Variants in RTN1 observed in about 807,000 individuals in gnomAD.
RTN1 encodes the protein reticulon-1.
A neutral mutation model predicts 65.5 loss-of-function variants in RTN1; 25 were observed. The ratio of observed to expected loss-of-function variants is 0.38; its 90% CI spans 0.28 to 0.53. The LOEUF is 0.53. Among genes scored for constraint, RTN1 ranks in the 20% least tolerant of loss-of-function variants. RTN1 has a pLI of 0.79. For synonymous variants in RTN1, 471 were observed against 447.6 expected (o/e 1.05, Z -0.66); for missense variants, 983 against 1,025.4 (o/e 0.96, Z 0.57).
intron 1 of RTN1, among the ~76,000 whole-genome samples, chr14:59,856,251 A>G (rs1176751718): frequency 1.3e-5 from 2 of 152,198 alleles, no homozygotes; most frequent in Non-Finnish European, 2.9e-5. Flanking sequence ...TAGAGACTCC[A>G]TCTTTCTAGA....
chr14:59,816,881 C>T lies in RTN1; in HGVS notation c.241+53509G>A, dbSNP rs879907704. On this transcript the variant is annotated intron_variant, in intron 1 of 8. Transcript: ENST00000267484. The surrounding 1 kb of genome is among the most constrained non-coding windows in gnomAD (Gnocchi z 4.3). ...CTGAGAGGCGGAGGTTGCAGTGAGT[C>T]GAGATCGCGCCACTGTACTCCAGCC... Among the ~76,000 whole-genome samples, 3 of 152,066 alleles carry T rather than the reference C, an allele frequency of 2.0e-5. No homozygotes were observed. The highest frequency in any genetic ancestry group is 6.5e-5 in the Admixed American group (1 of 15,274).
rs1045535255 is a variant in RTN1, at chr14:59,825,603, G to C, written c.241+44787C>G. On this transcript the variant is annotated intron_variant, in intron 1 of 8. Transcript: ENST00000267484. The surrounding 1 kb of genome is among the most constrained non-coding windows in gnomAD (Gnocchi z 4.2). ...CTGGCCACAGCAGGGCCTTCTCCCAGAAGCACCCCTGCTGGAAGGCCAGCC... is the reference window on the plus strand; with the variant it reads ...CTGGCCACAGCAGGGCCTTCTCCCACAAGCACCCCTGCTGGAAGGCCAGCC... 6.6e-6 allele frequency among the ~76,000 whole-genome samples: 1 copy of C among 152,212 alleles called. No homozygotes were observed. The highest frequency in any genetic ancestry group is 1.5e-5 in the Non-Finnish European group (1 of 68,042).
At chr14:59,733,999 C>T (rs906966934) in intron 2 of RTN1, among the ~76,000 whole-genome samples, 1 of 152,062 alleles carries the variant, frequency 6.6e-6, no homozygotes, top group Non-Finnish European at 1.5e-5. Flanking sequence ...AAAAGGTCAG[C>T]ACTCCCCTGG....
intron 1 of RTN1, among the ~76,000 whole-genome samples, chr14:59,806,349 T>C (rs777088773): frequency 6.6e-6 from 1 of 152,040 alleles, no homozygotes; most frequent in Non-Finnish European, 1.5e-5. Context: ...TCTTTCTCAA[T>C]TGTGATGTGC....
Position 59,612,144 on chromosome 14 carries a change from G to GT in RTN1, c.1766-4653dup, listed in dbSNP as rs78172461. Among the ~76,000 whole-genome samples, 6 of 152,222 alleles carry GT rather than the reference G, an allele frequency of 3.9e-5. No homozygotes were observed. In the East Asian group the frequency reaches 1.2e-3, roughly 29 times the overall value. ...AGGTGACTAATGTCTGTTTTGTTATGTGTATTTTGCTGGGATGGAAAATGT... is the reference window on the plus strand; with the variant it reads ...AGGTGACTAATGTCTGTTTTGTTATGTTGTATTTTGCTGGGATGGAAAATGT... On this transcript the variant is annotated intron_variant, in intron 3 of 8. Transcript: ENST00000267484.
intron 1 of RTN1, among the ~76,000 whole-genome samples, chr14:59,837,748 A>AT (rs35458802): frequency 4.0e-5 from 6 of 151,812 alleles, no homozygotes; most frequent in South Asian, 4.2e-4. Flanking sequence ...AATAATATCC[A>AT]TTTTTTTTAG....
intron 3 of RTN1, among the ~76,000 whole-genome samples, chr14:59,678,005 C>A (rs1447501081): frequency 6.6e-6 from 1 of 152,170 alleles, no homozygotes; most frequent in Non-Finnish European, 1.5e-5. Context: ...CATCTAAATG[C>A]TATTCTAGGC....
At chr14:59,722,904 C>G (rs1884676347) in intron 3 of RTN1, among the ~76,000 whole-genome samples, 1 of 150,914 alleles carries the variant, frequency 6.6e-6, no homozygotes, top group Non-Finnish European at 1.5e-5. Flanking sequence ...CTCAAGTGAT[C>G]CTCCCACATC....
intron 2 of RTN1, among the ~76,000 whole-genome samples, chr14:59,743,258 C>T (rs564076118): frequency 6.6e-6 from 1 of 151,090 alleles, no homozygotes; most frequent in Non-Finnish European, 1.5e-5. Flanking sequence ...AATGGAAATT[C>T]CCTAAAAATT....
chr14:59,615,353 G>A (rs550076250), intron 3 of RTN1, among the ~76,000 whole-genome samples: 14 of 152,206 alleles, frequency 9.2e-5, no homozygotes, highest in South Asian at 4.2e-4. Context: ...GGAGGCTGAC[G>A]CAGGAGAATC....
rs1886888019 is a variant in RTN1 at position 59,819,411 on chromosome 14, ACCACCC to A, written c.241+50973_241+50978del. On this transcript the variant is annotated intron_variant, in intron 1 of 8. Transcript: ENST00000267484. ...AGCTGATTGGTGCATCCACACCACC[ACCACCC>A]CCCCCCCACCCCCCACCCCCCCCCC... Among the ~76,000 whole-genome samples the A allele has an allele frequency of 7.1e-4, 9 of 12,732 alleles. 3 individuals are homozygous for A. Among genetic ancestry groups the A allele is most frequent in the African/African-American group, 2.0e-3 (3 of 1,466 alleles). 8.4% of individuals were successfully genotyped at this position (12,732 alleles called of 152,430 possible).
At chr14:59,702,127 T>C (rs1187466880) in intron 3 of RTN1, among the ~76,000 whole-genome samples, 1 of 152,154 alleles carries the variant, frequency 6.6e-6, no homozygotes, top group Non-Finnish European at 1.5e-5. Context: ...TAGAAAATAA[T>C]TAACAATGGA....
intron 3 of RTN1, among the ~76,000 whole-genome samples, chr14:59,658,478 A>G (rs978556630): frequency 6.6e-6 from 1 of 152,220 alleles, no homozygotes; most frequent in African/African-American, 2.4e-5. Flanking sequence ...CACCTCATAC[A>G]GGAAAGCTCC....
intron 3 of RTN1, among the ~76,000 whole-genome samples, chr14:59,714,799 C>T (rs113218464): frequency 9.1e-4 from 139 of 152,296 alleles, no homozygotes; most frequent in African/African-American, 2.9e-3. Context: ...AACCCCTGGC[C>T]GCAGACTGGT....
intron 3 of RTN1, among the ~76,000 whole-genome samples, chr14:59,656,459 A>C (rs1883125445): frequency 2.0e-5 from 3 of 152,252 alleles, no homozygotes; most frequent in Admixed American, 1.3e-4. Flanking sequence ...CTTGGTGAAC[A>C]GAGTGAGCCG....
rs1444724703 is a variant in RTN1 at position 59,605,544 on chromosome 14, G to A, written c.1974-38C>T. On this transcript the variant is annotated intron_variant, in intron 4 of 8. Coordinates refer to ENST00000267484, the MANE Select transcript of RTN1 (RefSeq NM_021136.3). ...CATTCCCACAGAAAATTCCGTCAGA[G>A]GGAATCATGAGACAGGCTGCCGAAC... The A allele has an allele frequency of 3.7e-6, 6 of 1,610,232 alleles. No homozygotes were observed. In the Admixed American group the frequency reaches 1.0e-4, roughly 27 times the overall value.
intron 1 of RTN1, among the ~76,000 whole-genome samples, chr14:59,857,218 C>A (rs1887624407): frequency 6.6e-6 from 1 of 152,066 alleles, no homozygotes; most frequent in Non-Finnish European, 1.5e-5. Context: ...TAATGAGGGG[C>A]AAGGAGTATT....
At chr14:59,779,600 C>T (rs1246627273) in intron 1 of RTN1, among the ~76,000 whole-genome samples, 1 of 151,800 alleles carries the variant, frequency 6.6e-6, no homozygotes, top group Non-Finnish European at 1.5e-5. Context: ...CAATGGAAAA[C>T]GATTCCTAGC....
rs547731306 is a variant in RTN1, at chr14:59,870,265, G to T, written c.241+125C>A. 1.1e-6 allele frequency: 1 copy of T among 948,720 alleles called. No individual in the cohort carries two copies. Among genetic ancestry groups the T allele is most frequent in the East Asian group, 3.3e-5 (1 of 30,634 alleles). 58.8% of individuals were successfully genotyped at this position (948,720 alleles called of 1,614,324 possible). On this transcript the variant is annotated intron_variant, in intron 1 of 8. Coordinates refer to ENST00000267484, the MANE Select transcript of RTN1 (RefSeq NM_021136.3). This position sits in a 1 kb window ranked among gnomAD's most constrained non-coding sequence, Gnocchi z 5.1. The stretch of plus-strand genomic sequence containing the variant: ...TATTCCCAGTCGCCCGTGGCGACGC[G>T]GGGGTGGGGTCGGCGCTCAAGGCAG...
Sources: allele counts gnomAD v4.1 joint callset (sites outside exome capture counted in the v4.1 genomes callset), GRCh38; gene constraint gnomAD v4.1.1; non-coding constraint Gnocchi (gnomAD v3.1); transcripts MANE v1.5; gene names NCBI Gene and HGNC (gene_info 2026-07-23, HGNC 2026-07-21).